BBX: variants seen among roughly 807,000 people sequenced by gnomAD.
BBX encodes the protein BBX high mobility group box domain containing.
BBX carries 30 observed loss-of-function variants against 100.2 expected under a neutral mutation model. That is an observed-to-expected ratio of 0.30 (90% CI 0.22 to 0.41). The LOEUF (loss-of-function observed/expected upper bound fraction) is 0.41. Among genes scored for constraint, BBX ranks in the 10% least tolerant of loss-of-function variants. The pLI is 1.00. For synonymous variants in BBX, 376 were observed against 388.1 expected, an observed-to-expected ratio of 0.97 and a Z score of 0.37; for missense variants, 1,023 against 1,129.8, an observed-to-expected ratio of 0.91 and a Z score of 1.35.
At chr3:107,562,789 A>C (rs1382462493) in intron 2 of BBX, among the ~76,000 whole-genome samples, 1 of 152,202 alleles carries the variant, frequency 6.6e-6, no homozygotes, top group Non-Finnish European at 1.5e-5. Flanking sequence ...ATCAGGTTAC[A>C]TGTGTAACCT....
chr3:107,631,903 C>T (rs995396877), intron 2 of BBX, among the ~76,000 whole-genome samples: 1 of 152,076 alleles, frequency 6.6e-6, no homozygotes, highest in Non-Finnish European at 1.5e-5. Flanking sequence ...ATATTTATAT[C>T]ATTTTAAGAA....
intron 13 of BBX, among the ~76,000 whole-genome samples, chr3:107,788,782 CATAA>C (rs985378741): frequency 2.0e-5 from 3 of 151,754 alleles, no homozygotes; most frequent in Non-Finnish European, 2.9e-5. Flanking sequence ...TCAATAAATA[CATAA>C]ATAAATAAAT....
chr3:107,781,971 C>T (rs1025632531), intron 13 of BBX, among the ~76,000 whole-genome samples: 1 of 152,156 alleles, frequency 6.6e-6, no homozygotes, highest in African/African-American at 2.4e-5. Context: ...ATAGTACTTT[C>T]AGTCTTACAG....
At chr3:107,752,805 G>A (rs752982838) in intron 9 of BBX, among the ~76,000 whole-genome samples, 2 of 152,128 alleles carry the variant, frequency 1.3e-5, no homozygotes, top group African/African-American at 2.4e-5. Flanking sequence ...ATCCTATGCC[G>A]TATGGCCCAC....
At chr3:107,734,288 G>A (rs1014103928) in intron 7 of BBX, among the ~76,000 whole-genome samples, 4 of 152,006 alleles carry the variant, frequency 2.6e-5, no homozygotes, top group African/African-American at 9.7e-5. Flanking sequence ...TCACTTCATT[G>A]TAGCAAGAAA....
chr3:107,681,816 T>G (rs1371016124), intron 3 of BBX, among the ~76,000 whole-genome samples: 1 of 152,144 alleles, frequency 6.6e-6, no homozygotes, highest in African/African-American at 2.4e-5. Flanking sequence ...TTTACTCAGT[T>G]GCTTAACTGA....
At chr3:107,639,102 G>T (rs1424322072) in intron 2 of BBX, among the ~76,000 whole-genome samples, 3 of 152,148 alleles carry the variant, frequency 2.0e-5, no homozygotes, top group African/African-American at 4.8e-5. Flanking sequence ...TGGAACTGAA[G>T]ATTTTCCATT....
intron 2 of BBX, among the ~76,000 whole-genome samples, 175 bp from the exon 3 acceptor site, chr3:107,645,661 T>C (rs186486615): frequency 4.7e-4 from 71 of 152,316 alleles, no homozygotes; most frequent in Non-Finnish European, 7.4e-4. Flanking sequence ...ATAAACACTT[T>C]AGGGCCACTT....
At chr3:107,670,796 T>A (rs915451189) in intron 3 of BBX, among the ~76,000 whole-genome samples, 2 of 152,020 alleles carry the variant, frequency 1.3e-5, no homozygotes, top group African/African-American at 4.8e-5. Context: ...TTTACAGATG[T>A]TTGAAGAAGT....
intron 6 of BBX, among the ~76,000 whole-genome samples, chr3:107,732,221 C>CT (rs1304379640): frequency 6.6e-6 from 1 of 151,972 alleles, no homozygotes; most frequent in Non-Finnish European, 1.5e-5. Flanking sequence ...CCCAATTCTG[C>CT]TTTCTTTATT....
At chr3:107,708,546 C>T (rs1357509881) in intron 3 of BBX, among the ~76,000 whole-genome samples, 1 of 151,744 alleles carries the variant, frequency 6.6e-6, no homozygotes, top group Non-Finnish European at 1.5e-5. Context: ...TGGTGGCGGG[C>T]GCCCGTAGTC....
intron 5 of BBX, among the ~76,000 whole-genome samples, chr3:107,724,779 G>A (rs957863205): frequency 3.7e-4 from 56 of 152,208 alleles, no homozygotes; most frequent in African/African-American, 1.2e-3. Flanking sequence ...CTCTGTTTTG[G>A]TACCAGTACC....
At chr3:107,665,472 A>T (rs925650682) in intron 3 of BBX, among the ~76,000 whole-genome samples, 9 of 152,124 alleles carry the variant, frequency 5.9e-5, no homozygotes, top group Admixed American at 5.2e-4. Flanking sequence ...GAGCACCACT[A>T]CCAGAGTCTG....
chr3:107,571,675 G>A (rs1013301952), intron 2 of BBX, among the ~76,000 whole-genome samples: 3 of 152,250 alleles, frequency 2.0e-5, no homozygotes, highest in South Asian at 2.1e-4. Context: ...CTGGTCTCCC[G>A]AAGGAGTCCT....
Position 107,666,143 on chromosome 3 carries a change from G to A in BBX, c.-10+20234G>A, listed in dbSNP as rs141689831. On this transcript the variant is annotated intron_variant, in intron 3 of 17. Coordinates refer to ENST00000325805, the MANE Select transcript of BBX (RefSeq NM_001142568.3). Reference sequence around the variant, plus strand: ...AGTACTTTTGAACTCTGCACCAGAGGCAAAAGATGCCAGAGATCAGGCTAC... The same window carrying A: ...AGTACTTTTGAACTCTGCACCAGAGACAAAAGATGCCAGAGATCAGGCTAC... Among the ~76,000 whole-genome samples, 251 of 152,300 alleles carry A rather than the reference G, an allele frequency of 1.6e-3. 1 individual carries two copies. The highest frequency in any genetic ancestry group is 6.2e-4 in the Non-Finnish European group (42 of 68,028).
chr3:107,655,723 C>T (rs879916134), intron 3 of BBX, among the ~76,000 whole-genome samples: 18 of 148,664 alleles, frequency 1.2e-4, no homozygotes, highest in Admixed American at 4.7e-4. Flanking sequence ...TTTTTTGAGA[C>T]GGAGTCTTGC....
intron 3 of BBX, chr3:107,662,812 A>G (rs1446992095): frequency 6.6e-6 from 1 of 152,172 alleles, no homozygotes; most frequent in African/African-American, 2.4e-5. Context: ...ACAATGCTGA[A>G]TCTCAATTTC....
chr3:107,670,227 A>G (rs913329129), intron 3 of BBX, among the ~76,000 whole-genome samples: 4 of 152,160 alleles, frequency 2.6e-5, no homozygotes, highest in Non-Finnish European at 4.4e-5. Flanking sequence ...CAGTAAGAGA[A>G]TACATTTTCT....
intron 9 of BBX, among the ~76,000 whole-genome samples, chr3:107,748,675 A>G (rs2064821397): frequency 6.6e-6 from 1 of 152,190 alleles, no homozygotes; most frequent in African/African-American, 2.4e-5. Flanking sequence ...GGCCTCAACC[A>G]TATGCTCATT....
Sources: allele counts gnomAD v4.1 joint callset (sites outside exome capture counted in the v4.1 genomes callset), GRCh38; gene constraint gnomAD v4.1.1; transcripts MANE v1.5; gene names NCBI Gene and HGNC (gene_info 2026-07-23, HGNC 2026-07-21).